The following EFHD1 variants were observed in gnomAD, a reference collection of about 807,000 sequenced individuals.
The protein encoded by EFHD1 is EF-hand domain-containing protein D1.
A neutral mutation model predicts 17.2 loss-of-function variants in EFHD1; 10 were observed. The observed-to-expected ratio is 0.58, with a 90% CI of 0.36 to 0.99. The LOEUF (loss-of-function observed/expected upper bound fraction) is 0.99. Among genes scored for constraint, EFHD1 ranks in the 50% least tolerant of loss-of-function variants. EFHD1 has a pLI of 0.01. For missense variants in EFHD1, 310 were observed against 327.5 expected, an observed-to-expected ratio of 0.95 and a Z score of 0.41; for synonymous variants, 153 against 142.0, an observed-to-expected ratio of 1.08 and a Z score of -0.55.
At chr2:232,658,641 C>T (rs1694805321) in intron 1 of EFHD1, among the ~76,000 whole-genome samples, 3 of 152,140 alleles carry the variant, frequency 2.0e-5, no homozygotes, top group South Asian at 4.2e-4. Flanking sequence ...AGTGAAGAAA[C>T]GAAGTGTGGT....
At chr2:232,606,912 A>AG (rs1553592792) in intron 1 of EFHD1, among the ~76,000 whole-genome samples, 3 of 135,074 alleles carry the variant, frequency 2.2e-5, no homozygotes, top group Non-Finnish European at 5.3e-5. Flanking sequence ...TAAAATAAAA[A>AG]TTAAAAAAAA....
chr2:232,650,878 T>C (rs113349212), intron 1 of EFHD1, among the ~76,000 whole-genome samples: 23 of 152,170 alleles, frequency 1.5e-4, no homozygotes, highest in African/African-American at 5.5e-4. Flanking sequence ...CTATTCTGGA[T>C]TGCCTTTAAT....
At chr2:232,672,747 T>C (rs775587599) in intron 3 of EFHD1, among the ~76,000 whole-genome samples, 4 of 152,208 alleles carry the variant, frequency 2.6e-5, no homozygotes, top group Non-Finnish European at 4.4e-5. Context: ...AGGAAGTGCC[T>C]GGCTCACTGT....
chr2:232,636,042 G>A (rs1007758215), intron 1 of EFHD1, among the ~76,000 whole-genome samples: 1 of 152,186 alleles, frequency 6.6e-6, no homozygotes, highest in Non-Finnish European at 1.5e-5. Context: ...TGCCATCAGT[G>A]CTTAGTTTCT....
At chr2:232,609,094 C>A (rs1483466368) in intron 1 of EFHD1, among the ~76,000 whole-genome samples, 1 of 107,624 alleles carries the variant, frequency 9.3e-6, no homozygotes. Flanking sequence ...GAGTCTTGCT[C>A]TGTCACCCAG....
chr2:232,679,661 C>G (rs1228998905), intron 3 of EFHD1, among the ~76,000 whole-genome samples: 1 of 146,774 alleles, frequency 6.8e-6, no homozygotes, highest in Admixed American at 6.9e-5. Context: ...CTGCAGTGAA[C>G]TATGATTGTG....
At chr2:232,631,985 A>G (rs1020688038), upstream of EFHD1, among the ~76,000 whole-genome samples, 2 of 151,744 alleles carry the variant, frequency 1.3e-5, no homozygotes, top group Non-Finnish European at 2.9e-5. Flanking sequence ...CCTGGGAAAC[A>G]AGAATGAAAC....
intron 1 of EFHD1, among the ~76,000 whole-genome samples, chr2:232,624,791 G>A (rs941058582): frequency 6.6e-6 from 1 of 152,154 alleles, no homozygotes; most frequent in Non-Finnish European, 1.5e-5. Context: ...GGACACAATT[G>A]CCAGAAGATG....
chr2:232,678,167 C>T (rs1695211429), intron 3 of EFHD1, among the ~76,000 whole-genome samples: 1 of 151,470 alleles, frequency 6.6e-6, no homozygotes, highest in South Asian at 2.1e-4. Flanking sequence ...CCTGTCATCC[C>T]AGCTACTCGG....
intron 3 of EFHD1, among the ~76,000 whole-genome samples, chr2:232,673,389 G>A (rs928224657): frequency 6.6e-6 from 1 of 152,206 alleles, no homozygotes; most frequent in Non-Finnish European, 1.5e-5. Context: ...ACGTGCTCTA[G>A]TTGAAGTAGG....
intron 3 of EFHD1, among the ~76,000 whole-genome samples, chr2:232,678,326 A>G (rs899635016): frequency 7.2e-5 from 11 of 152,206 alleles, no homozygotes; most frequent in Admixed American, 7.2e-4. Flanking sequence ...ATTACATTTA[A>G]GGAGATAGAT....
intron 1 of EFHD1, among the ~76,000 whole-genome samples, chr2:232,658,701 A>C (rs1694806391): frequency 1.3e-5 from 2 of 152,160 alleles, no homozygotes; most frequent in African/African-American, 4.8e-5. Flanking sequence ...CACAAGAGGC[A>C]AATCCATACA....
At chr2:232,635,157 G>A (rs1174689785) in intron 1 of EFHD1, among the ~76,000 whole-genome samples, 1 of 152,246 alleles carries the variant, frequency 6.6e-6, no homozygotes, top group Non-Finnish European at 1.5e-5. Context: ...AGTTCAGGAA[G>A]GCCCAGTGCG....
intron 1 of EFHD1, among the ~76,000 whole-genome samples, chr2:232,626,393 A>G (rs1694104195): frequency 6.6e-6 from 1 of 151,718 alleles, no homozygotes; most frequent in Admixed American, 6.6e-5. Flanking sequence ...AAAAAATACA[A>G]AAAAATTAGC....
At chr2:232,630,782 A>G (rs1000286905), upstream of EFHD1, among the ~76,000 whole-genome samples, 8 of 82,850 alleles carry the variant, frequency 9.7e-5, no homozygotes, top group Non-Finnish European at 2.0e-4. Flanking sequence ...TCTCATCTCT[A>G]TTAAAAAAAA....
intron 1 of EFHD1, among the ~76,000 whole-genome samples, chr2:232,652,279 C>G (rs1694670215): frequency 6.6e-6 from 1 of 152,146 alleles, no homozygotes; most frequent in African/African-American, 2.4e-5. Context: ...AAACGTGACT[C>G]CTATCATTTC....
intron 1 of EFHD1, among the ~76,000 whole-genome samples, chr2:232,651,041 G>A (rs1694644077): frequency 6.6e-6 from 1 of 152,140 alleles, no homozygotes; most frequent in Non-Finnish European, 1.5e-5. Context: ...GAAAGACGGT[G>A]ATCATTTGAA....
At chr2:232,672,508 C>T in intron 3 of EFHD1, 65 bp downstream of exon 3, 1 of 1,527,482 alleles carries the variant, frequency 6.5e-7, no homozygotes, top group Non-Finnish European at 8.8e-7. Flanking sequence ...CACCAGACTG[C>T]AGCTGTCATT....
intron 1 of EFHD1, among the ~76,000 whole-genome samples, chr2:232,634,945 G>A (rs1694290065): frequency 6.6e-6 from 1 of 152,210 alleles, no homozygotes; most frequent in South Asian, 2.1e-4. Context: ...AAAGCGCATG[G>A]AATGTGTTTG....
Sources: gnomAD v4.1 joint callset for allele counts (sites outside exome capture counted in the v4.1 genomes callset) on GRCh38, gnomAD v4.1.1 for gene constraint, MANE v1.5 for transcripts, NCBI Gene and HGNC (gene_info 2026-07-23, HGNC 2026-07-21) for gene names.